The following UBE2Q2 variants were observed in gnomAD, a reference collection of about 807,000 sequenced individuals.
The protein encoded by UBE2Q2 is ubiquitin-conjugating enzyme E2 Q2.
Under a neutral mutation model 59.9 loss-of-function variants are expected in UBE2Q2, and 54 were observed. That is an observed-to-expected ratio of 0.90 (90% CI 0.72 to 1.13). The LOEUF (loss-of-function observed/expected upper bound fraction) is 1.13, where lower values mean the gene tolerates loss of function less well. Among genes scored for constraint, UBE2Q2 ranks in the 50% most tolerant of loss-of-function variants. UBE2Q2 has a pLI of 0.00. For synonymous variants in UBE2Q2, 165 were observed against 155.2 expected (o/e 1.06, Z -0.47); for missense variants, 433 against 441.9 (o/e 0.98, Z 0.18).
chr15:75,897,143 T>C (rs1363845452), intron 12 of UBE2Q2, 82 bp downstream of exon 12: 1 of 798,388 alleles, frequency 1.3e-6, no homozygotes, highest in African/African-American at 1.8e-5. Flanking sequence ...ATTTTTCTGT[T>C]TTTGCTTTAG....
At chr15:75,857,130 A>T (rs1486416909) in intron 2 of UBE2Q2, among the ~76,000 whole-genome samples, 1 of 152,070 alleles carries the variant, frequency 6.6e-6, no homozygotes, top group African/African-American at 2.4e-5. Flanking sequence ...ACACGTACGT[A>T]CGTATGTTAA....
intron 9 of UBE2Q2, among the ~76,000 whole-genome samples, chr15:75,883,709 A>T (rs1898585629): frequency 6.6e-6 from 1 of 151,850 alleles, no homozygotes. Context: ...GAGTATTTAC[A>T]TTTTTAAGAA....
At chr15:75,844,153 G>A (rs1322720186) in intron 1 of UBE2Q2, 7 of 1,432,766 alleles carry the variant, frequency 4.9e-6, no homozygotes, top group Non-Finnish European at 6.4e-6. Flanking sequence ...CCCTTGTGGG[G>A]TCCATGGCCG....
At chr15:75,887,060 C>G (rs765582583) in intron 9 of UBE2Q2, among the ~76,000 whole-genome samples, 1 of 151,766 alleles carries the variant, frequency 6.6e-6, no homozygotes, top group Non-Finnish European at 1.5e-5. Flanking sequence ...TTAATTGATT[C>G]TTTTTTGCCA....
intron 5 of UBE2Q2, among the ~76,000 whole-genome samples, chr15:75,875,705 C>G (rs991957929): frequency 3.3e-5 from 5 of 152,090 alleles, no homozygotes; most frequent in Non-Finnish European, 5.9e-5. Context: ...TAGACTTGTG[C>G]CTAGTTTTAA....
chr15:75,844,551 A>T, intron 1 of UBE2Q2: 2 of 1,511,108 alleles, frequency 1.3e-6, no homozygotes, highest in East Asian at 5.1e-5. Flanking sequence ...GGATAGGTGA[A>T]AGGAGATACG....
intron 1 of UBE2Q2, among the ~76,000 whole-genome samples, chr15:75,845,456 C>T (rs1335537168): frequency 6.6e-6 from 1 of 152,054 alleles, no homozygotes; most frequent in Non-Finnish European, 1.5e-5. Flanking sequence ...AGGAGACGGG[C>T]CTGAATGGCT....
At chr15:75,878,071 C>A in intron 7 of UBE2Q2, 50 bp downstream of exon 7, 2 of 1,506,836 alleles carry the variant, frequency 1.3e-6, no homozygotes, top group Non-Finnish European at 1.8e-6. Context: ...TAGACTATCA[C>A]AGTGGAGGTT....
At chr15:75,873,710 T>A in intron 5 of UBE2Q2, 142 bp downstream of exon 5, 1 of 940,354 alleles carries the variant, frequency 1.1e-6, no homozygotes, top group Non-Finnish European at 1.6e-6. Flanking sequence ...ATGTGTGTTT[T>A]AAAACAGGGT....
intron 6 of UBE2Q2, among the ~76,000 whole-genome samples, chr15:75,877,195 G>T (rs924920705): frequency 7.1e-6 from 1 of 141,672 alleles, no homozygotes; most frequent in African/African-American, 2.6e-5. Flanking sequence ...GGTTATGACC[G>T]ATTCAATTCT....
At chr15:75,886,905 A>G (rs1471813232) in intron 9 of UBE2Q2, among the ~76,000 whole-genome samples, 8 of 151,762 alleles carry the variant, frequency 5.3e-5, no homozygotes. Context: ...AAATGTGATT[A>G]TAAAATTGGC....
At chr15:75,890,308 T>C in intron 9 of UBE2Q2, 127 bp from the exon 10 acceptor site, 1 of 671,230 alleles carries the variant, frequency 1.5e-6, no homozygotes, top group Non-Finnish European at 2.6e-6. Flanking sequence ...CTAACAACTG[T>C]TGTCATGTTT....
intron 9 of UBE2Q2, among the ~76,000 whole-genome samples, chr15:75,889,909 G>A (rs1898997988): frequency 6.6e-6 from 1 of 152,178 alleles, no homozygotes; most frequent in Non-Finnish European, 1.5e-5. Context: ...CCTAGAAAGA[G>A]CTTAAGGGAG....
At chr15:75,894,055 A>G (rs1279975355) in intron 11 of UBE2Q2, among the ~76,000 whole-genome samples, 1 of 152,204 alleles carries the variant, frequency 6.6e-6, no homozygotes. Context: ...GAAAACAGAT[A>G]CTTCTTTCTG....
At chr15:75,878,192 A>T (rs969904755) in intron 7 of UBE2Q2, 171 bp downstream of exon 7, 1 of 546,124 alleles carries the variant, frequency 1.8e-6, no homozygotes, top group Non-Finnish European at 3.2e-6. Context: ...GCTGAGGTCT[A>T]ATAAGAAAGT....
chr15:75,856,269 GTATATATA>G (rs60490503), intron 2 of UBE2Q2, among the ~76,000 whole-genome samples: 68 of 139,284 alleles, frequency 4.9e-4, no homozygotes, highest in African/African-American at 1.7e-3. Flanking sequence ...GTGTGTGTGT[GTATATATA>G]TATATATATA....
At chr15:75,896,855 T>G (rs1287449846) in intron 11 of UBE2Q2, 140 bp from the exon 12 acceptor site, 2 of 454,960 alleles carry the variant, frequency 4.4e-6, no homozygotes, top group African/African-American at 4.1e-5. Flanking sequence ...GAAATGAGGC[T>G]ATTAAGTTAA....
chr15:75,844,691 C>T (rs1896234449), intron 1 of UBE2Q2: 1 of 493,282 alleles, frequency 2.0e-6, no homozygotes, highest in Non-Finnish European at 3.6e-6. Flanking sequence ...TATTAAGTTT[C>T]TCCATAAAAG....
chr15:75,869,690 T>C (rs1470033889), intron 4 of UBE2Q2, among the ~76,000 whole-genome samples: 1 of 152,206 alleles, frequency 6.6e-6, no homozygotes, highest in African/African-American at 2.4e-5. Context: ...CCCTCTTGGC[T>C]TAATCACCTC....
Sources: allele counts gnomAD v4.1 joint callset (sites outside exome capture counted in the v4.1 genomes callset), GRCh38; gene constraint gnomAD v4.1.1; transcripts MANE v1.5; gene names NCBI Gene and HGNC (gene_info 2026-07-23, HGNC 2026-07-21).